PCSK6: variants seen among roughly 807,000 people sequenced by gnomAD.
PCSK6 encodes proprotein convertase subtilisin/kexin type 6.
A neutral mutation model predicts 123.3 loss-of-function variants in PCSK6; 85 were observed. The ratio of observed to expected loss-of-function variants is 0.69; its 90% CI spans 0.58 to 0.83. PCSK6 has a LOEUF of 0.83. Among genes scored for constraint, PCSK6 ranks in the 40% least tolerant of loss-of-function variants. The pLI, the probability that PCSK6 is intolerant of heterozygous loss-of-function variation, is 0.00. For missense variants in PCSK6, 1,191 were observed against 1,282.3 expected (o/e 0.93, Z 1.09); for synonymous variants, 508 against 516.0 (o/e 0.98, Z 0.21).
At chr15:101,407,561 C>T (rs1431998445) in intron 6 of PCSK6, among the ~76,000 whole-genome samples, 1 of 152,238 alleles carries the variant, frequency 6.6e-6, no homozygotes. Flanking sequence ...ACTCCCTTAA[C>T]CTAACCACCC....
At chr15:101,356,505 C>CAAAAAAAAAA (rs34350017) in intron 13 of PCSK6, among the ~76,000 whole-genome samples, 3 of 86,238 alleles carry the variant, frequency 3.5e-5, no homozygotes, top group African/African-American at 1.3e-4. Context: ...ACTAAAACTA[C>CAAAAAAAAAA]AAAAAAAAAA....
chr15:101,388,008 C>A (rs937898459), intron 9 of PCSK6, among the ~76,000 whole-genome samples: 5 of 152,232 alleles, frequency 3.3e-5, no homozygotes, highest in Admixed American at 2.0e-4. Context: ...AGATGACCGT[C>A]TGAGCTTTCA....
chr15:101,431,257 G>A (rs955962957), intron 4 of PCSK6, 63 bp downstream of exon 4: 1 of 1,562,908 alleles, frequency 6.4e-7, no homozygotes, highest in African/African-American at 1.4e-5. Context: ...TTTTAAACTT[G>A]CATTTACTTA....
chr15:101,411,133 C>A (rs548485373), intron 6 of PCSK6, among the ~76,000 whole-genome samples: 2 of 152,300 alleles, frequency 1.3e-5, no homozygotes, highest in South Asian at 4.1e-4. Flanking sequence ...TGAGGAAAGA[C>A]GGGAAGCAGA....
intron 1 of PCSK6, among the ~76,000 whole-genome samples, chr15:101,482,004 G>C (rs1030670781): frequency 2.1e-4 from 32 of 152,218 alleles, no homozygotes; most frequent in African/African-American, 7.2e-4. Context: ...TCACGCACAC[G>C]CATGTGCACG....
chr15:101,444,469 C>T (rs2056836538), intron 1 of PCSK6, among the ~76,000 whole-genome samples: 1 of 152,208 alleles, frequency 6.6e-6, no homozygotes, highest in African/African-American at 2.4e-5. Context: ...GGATATCATA[C>T]AGACCCTCAG....
At chr15:101,471,442 T>A (rs1214627532) in intron 1 of PCSK6, among the ~76,000 whole-genome samples, 1 of 152,248 alleles carries the variant, frequency 6.6e-6, no homozygotes, top group Non-Finnish European at 1.5e-5. Flanking sequence ...ATATGCCCAT[T>A]ACCTTGATTC....
chr15:101,471,464 T>C (rs2141236779), intron 1 of PCSK6, among the ~76,000 whole-genome samples: 1 of 152,328 alleles, frequency 6.6e-6, no homozygotes, highest in East Asian at 1.9e-4. Context: ...ACCATTAACA[T>C]ATTCACTAAA....
chr15:101,348,342 G>A (rs969971690), intron 13 of PCSK6, among the ~76,000 whole-genome samples: 3 of 152,264 alleles, frequency 2.0e-5, no homozygotes, highest in Non-Finnish European at 4.4e-5. Context: ...GCCAGTCTGG[G>A]GAGACACGCA....
At chr15:101,390,249 C>T (rs1193716207) in intron 8 of PCSK6, among the ~76,000 whole-genome samples, 1 of 152,292 alleles carries the variant, frequency 6.6e-6, no homozygotes, top group Admixed American at 6.5e-5. Context: ...GGATTCTGGA[C>T]CTCACTACCA....
chr15:101,362,473 C>A (rs567897343), intron 13 of PCSK6, among the ~76,000 whole-genome samples: 2 of 152,072 alleles, frequency 1.3e-5, no homozygotes, highest in Admixed American at 6.6e-5. Flanking sequence ...TGGATGGGAA[C>A]AAAGAGCAGA....
intron 13 of PCSK6, among the ~76,000 whole-genome samples, chr15:101,342,622 C>G (rs970902549): frequency 6.6e-6 from 1 of 152,242 alleles, no homozygotes; most frequent in South Asian, 2.1e-4. Flanking sequence ...CTGGCTTCAG[C>G]TGGGCACGGT....
intron 13 of PCSK6, among the ~76,000 whole-genome samples, chr15:101,350,196 G>A (rs140476395): frequency 0.013 from 2,049 of 152,214 alleles, 10 homozygotes; most frequent in Non-Finnish European, 0.022. Context: ...GTGAGACAAC[G>A]CACCTGGCCT....
intron 16 of PCSK6, among the ~76,000 whole-genome samples, chr15:101,325,420 C>T (rs573658934): frequency 1.1e-4 from 16 of 152,310 alleles, no homozygotes; most frequent in Non-Finnish European, 1.8e-4. Context: ...GGGTGACAGC[C>T]TTTGCACTTT....
intron 7 of PCSK6, among the ~76,000 whole-genome samples, chr15:101,393,699 A>C (rs1171655910): frequency 3.9e-5 from 6 of 152,176 alleles, no homozygotes; most frequent in Non-Finnish European, 8.8e-5. Context: ...TCACAGGAAA[A>C]TCAAGGGTCC....
rs1188700559 is a variant in PCSK6 at position 101,304,713 on chromosome 15, G to T, written c.*545C>A. On this transcript the variant is annotated 3_prime_UTR_variant, in exon 22 of 22. Transcript: ENST00000611716. ...AGAAATAGATACTCCGGCCCCAGTGGTCATACATTTTATGCCCTCAAACCT... is the reference window on the plus strand; with the variant it reads ...AGAAATAGATACTCCGGCCCCAGTGTTCATACATTTTATGCCCTCAAACCT... 1.3e-5 allele frequency: 2 copies of T among 152,848 alleles called. No individual in the cohort carries two copies. The highest frequency in any genetic ancestry group is 3.8e-4 in the East Asian group (2 of 5,196). 9.5% of individuals were successfully genotyped at this position (152,848 alleles called of 1,614,324 possible).
chr15:101,324,791 C>G, intron 17 of PCSK6, 59 bp downstream of exon 17: 1 of 1,421,978 alleles, frequency 7.0e-7, no homozygotes, highest in Non-Finnish European at 9.7e-7. Flanking sequence ...AGAGAGGACA[C>G]GGGCCCAGAA....
At chr15:101,394,521 C>T (rs1567187846) in intron 7 of PCSK6, among the ~76,000 whole-genome samples, 1 of 152,170 alleles carries the variant, frequency 6.6e-6, no homozygotes, top group Non-Finnish European at 1.5e-5. Flanking sequence ...GAGAGAAGGG[C>T]CAGCATCCAC....
chr15:101,366,691 C>T (rs539486808), intron 12 of PCSK6, among the ~76,000 whole-genome samples: 2 of 152,278 alleles, frequency 1.3e-5, no homozygotes, highest in South Asian at 4.1e-4. Context: ...CTCCTTCCCA[C>T]CCAGCAACAA....
Sources: allele counts gnomAD v4.1 joint callset (sites outside exome capture counted in the v4.1 genomes callset), GRCh38; gene constraint gnomAD v4.1.1; transcripts MANE v1.5; gene names NCBI Gene and HGNC (gene_info 2026-07-23, HGNC 2026-07-21).